The following KCNJ15 variants were observed in gnomAD, a reference collection of about 807,000 sequenced individuals.
The protein encoded by KCNJ15 is potassium inwardly rectifying channel subfamily J member 15.
A neutral mutation model predicts 23.0 loss-of-function variants in KCNJ15; 14 were observed. The ratio of observed to expected loss-of-function variants is 0.61; its 90% confidence interval spans 0.40 to 0.95. KCNJ15 has a LOEUF of 0.95. Ranked by LOEUF, KCNJ15 falls within the 40% of genes least tolerant of loss-of-function variation. KCNJ15 has a pLI of 0.00. For synonymous variants in KCNJ15, 185 were observed against 183.2 expected (o/e 1.01, Z -0.08); for missense variants, 388 against 461.8 (o/e 0.84, Z 1.46).
At chr21:38,275,705 G>C (rs1371668215) in intron 1 of KCNJ15, among the ~76,000 whole-genome samples, 1 of 152,036 alleles carries the variant, frequency 6.6e-6, no homozygotes, top group Non-Finnish European at 1.5e-5. Context: ...ATCCCCCTAG[G>C]TGAATCTCAT....
chr21:38,281,630 C>T (rs1434442967), intron 1 of KCNJ15, among the ~76,000 whole-genome samples: 1 of 152,154 alleles, frequency 6.6e-6, no homozygotes, highest in Non-Finnish European at 1.5e-5. Flanking sequence ...GCATAGTATT[C>T]TGCGGTATAT....
chr21:38,260,985 A>G (rs941597525), intron 1 of KCNJ15, among the ~76,000 whole-genome samples: 1 of 152,256 alleles, frequency 6.6e-6, no homozygotes, highest in East Asian at 1.9e-4. Context: ...AGACATCCTG[A>G]GCCTGCCCAT....
Position 38,300,298 on chromosome 21 carries a change from C to G in KCNJ15, c.1037C>G (p.Ser346Cys), listed in dbSNP as rs376529594. Residue 346 changes from serine to cysteine, a missense_variant, in exon 3 of 3, where the codon TCT (serine) becomes TGT (cysteine). By Grantham distance (112) the Ser-to-Cys change is moderately radical. Coordinates refer to ENST00000398938, the MANE Select transcript of KCNJ15 (RefSeq NM_170736.3). The part of the protein sequence containing the change: ...SPDCTFYCAD[S>C]EKQQLEEKYR... ...GATTGCACATTTTACTGTGCAGATTCTGAGAAACAGCAACTCGAGGAGAAG... is the reference window on the plus strand; with the variant it reads ...GATTGCACATTTTACTGTGCAGATTGTGAGAAACAGCAACTCGAGGAGAAG... The G allele has an allele frequency of 7.1e-5, 115 of 1,613,900 alleles. No individual in the cohort carries two copies. Among genetic ancestry groups the G allele is most frequent in the Non-Finnish European group, 9.2e-5 (109 of 1,179,894 alleles).
chr21:38,294,642 ACATGG>A (rs1221446814), intron 1 of KCNJ15, among the ~76,000 whole-genome samples: 4 of 151,290 alleles, frequency 2.6e-5, no homozygotes, highest in Middle Eastern at 3.4e-3. Flanking sequence ...GCCATCATCA[ACATGG>A]CAATGGGTAC....
rs1164643217 is a variant in KCNJ15, at chr21:38,299,732, G to C, written c.471G>C (p.Glu157Asp). The C allele has an allele frequency of 6.2e-7, 1 of 1,614,072 alleles. No homozygotes were observed. The highest frequency in any genetic ancestry group is 1.7e-5 in the Admixed American group (1 of 60,004). The change falls in exon 3 of 3, where the codon GAG becomes GAC. Residue 157 changes from glutamate to aspartate, a missense_variant. Physicochemically the swap from Glu to Asp is conservative, Grantham distance 45. Transcript: ENST00000398938. The surrounding 1 kb of genome is among the most constrained non-coding windows in gnomAD (Gnocchi z 4.5). ...VAQLVITTLI[E>D]IFITGTFLAK... ...AGTTGGTCATCACGACCTTGATTGA[G>C]ATCTTCATCACCGGAACCTTCCTGG...
chr21:38,262,484 T>C lies in KCNJ15; in HGVS notation c.-117+5299T>C, dbSNP rs1191778131. Among the ~76,000 whole-genome samples, 4 of 152,154 alleles carry C rather than the reference T, an allele frequency of 2.6e-5. No individual in the cohort carries two copies. The East Asian group carries it at 7.7e-4, about 29-fold the overall frequency. Reference sequence around the variant, plus strand: ...CTAGGACATTAATAACAAAACTGACTGTGTAGGTATAGAGAGGCTATCCCA... The same window carrying C: ...CTAGGACATTAATAACAAAACTGACCGTGTAGGTATAGAGAGGCTATCCCA... On this transcript the variant is annotated intron_variant, in intron 1 of 2. Coordinates refer to ENST00000398938, the MANE Select transcript of KCNJ15 (RefSeq NM_170736.3).
intron 2 of KCNJ15, 120 bp downstream of exon 2, chr21:38,297,143 C>A (rs1358620282): frequency 6.5e-6 from 1 of 152,678 alleles, no homozygotes; most frequent in African/African-American, 2.4e-5. Context: ...ATGCTGCCCC[C>A]AACACACCCA....
At chr21:38,284,222 A>G (rs1983655012) in intron 1 of KCNJ15, among the ~76,000 whole-genome samples, 1 of 152,178 alleles carries the variant, frequency 6.6e-6, no homozygotes, top group Non-Finnish European at 1.5e-5. Context: ...TGCTGGTATA[A>G]CACCCAAACA....
intron 1 of KCNJ15, among the ~76,000 whole-genome samples, chr21:38,230,805 C>A (rs1222321988): frequency 6.6e-6 from 1 of 152,020 alleles, no homozygotes; most frequent in Admixed American, 6.6e-5. Flanking sequence ...TATGTCAATA[C>A]CATACTGTTT....
At chr21:38,236,604 T>C (rs1000186929) in intron 1 of KCNJ15, among the ~76,000 whole-genome samples, 2 of 152,220 alleles carry the variant, frequency 1.3e-5, no homozygotes, top group Non-Finnish European at 2.9e-5. Flanking sequence ...TAAAATCTAC[T>C]GTAGACTGAT....
In KCNJ15 at chr21:38,304,568, A is replaced by G. The variant is rs6517461; in HGVS notation, c.*4179A>G. 123,987 of 150,808 alleles carry G rather than the reference A, an allele frequency of 0.82. 51,503 individuals carry two copies. Among genetic ancestry groups the G allele is most frequent in the African/African-American group, 0.95 (38,953 of 41,186 alleles). The allele number at this position is 150,808 out of a possible 1,614,324, so 9.3% of individuals were successfully genotyped here. On this transcript the variant is annotated 3_prime_UTR_variant, in exon 3 of 3. Coordinates refer to ENST00000398938, the MANE Select transcript of KCNJ15 (RefSeq NM_170736.3). ...AGAGGCTCTTAATTTTCTTCCTCCC[A>G]GGAGGACTTACTTACACTTAAAGGT...
Position 38,300,155 on chromosome 21 carries a change from A to G in KCNJ15, c.894A>G (p.Thr298=). ...CCAGCGCTGTCTGCCAGAGCCGAAC[A>G]TCTTATATCCCAGAGGAAATCTACT... ...ESTSAVCQSR[T]SYIPEEIYWG... Residue 298 remains threonine (T), a synonymous_variant, in exon 3 of 3, where the codon ACA becomes ACG. Transcript: ENST00000398938. The G allele has an allele frequency of 6.2e-7, 1 of 1,614,200 alleles. No individual in the cohort carries two copies. Among genetic ancestry groups the G allele is most frequent in the Non-Finnish European group, 8.5e-7 (1 of 1,180,048 alleles).
In KCNJ15 at chr21:38,288,948, T is replaced by C. The variant is rs149637183; in HGVS notation, c.-116-7978T>C. Among the ~76,000 whole-genome samples the C allele has an allele frequency of 3.5e-3, 527 of 152,154 alleles. 13 individuals carry two copies. Among genetic ancestry groups the C allele is most frequent in the East Asian group, 0.027 (142 of 5,176 alleles). ...GGCGCGGTGGCTCACGCCTGTAATC[T>C]CATCACTTTGGGAGGCGGAGGCAGG... On this transcript the variant is annotated intron_variant, in intron 1 of 2. Coordinates refer to ENST00000398938, the MANE Select transcript of KCNJ15 (RefSeq NM_170736.3).
upstream of KCNJ15, among the ~76,000 whole-genome samples, chr21:38,251,987 G>A (rs1979870334): frequency 6.6e-6 from 1 of 152,160 alleles, no homozygotes; most frequent in South Asian, 2.1e-4. Flanking sequence ...TGGGAAGATG[G>A]GGAAGCCTCC....
chr21:38,278,949 A>G (rs921272168), intron 1 of KCNJ15, among the ~76,000 whole-genome samples: 3 of 152,164 alleles, frequency 2.0e-5, no homozygotes, highest in African/African-American at 7.2e-5. Context: ...ACTATGAAGG[A>G]TGCTATAGAG....
chr21:38,254,499 C>T (rs2211863), upstream of KCNJ15, among the ~76,000 whole-genome samples: 89,542 of 152,086 alleles, frequency 0.59, 28,480 homozygotes, highest in African/African-American at 0.82. Context: ...GTATCTGCTC[C>T]ACTGTGTATG....
At chr21:38,275,082 C>T (rs769333493) in intron 1 of KCNJ15, among the ~76,000 whole-genome samples, 3 of 152,142 alleles carry the variant, frequency 2.0e-5, no homozygotes, top group Admixed American at 6.5e-5. Flanking sequence ...CAGCAAACTC[C>T]AGAGTCCTTT....
At chr21:38,259,003 G>A (rs2123603601) in intron 1 of KCNJ15, among the ~76,000 whole-genome samples, 1 of 152,106 alleles carries the variant, frequency 6.6e-6, no homozygotes, top group African/African-American at 2.4e-5. Flanking sequence ...CTTTCTTGGG[G>A]CGTGTGTGTG....
chr21:38,248,253 C>A (rs1483582944), intron 1 of KCNJ15, among the ~76,000 whole-genome samples: 1 of 152,150 alleles, frequency 6.6e-6, no homozygotes, highest in Non-Finnish European at 1.5e-5. Flanking sequence ...TCGTTAAGTT[C>A]TGTAACCAAG....
Sources: allele counts gnomAD v4.1 joint callset (sites outside exome capture counted in the v4.1 genomes callset), GRCh38; gene constraint gnomAD v4.1.1; non-coding constraint Gnocchi (gnomAD v3.1); transcripts MANE v1.5; gene names NCBI Gene and HGNC (gene_info 2026-07-23, HGNC 2026-07-21).